Variants in PROM2 observed in about 807,000 individuals in gnomAD.
PROM2 encodes prominin 2, also known as prominin-2.
PROM2 carries 90 observed loss-of-function variants against 110.2 expected under a neutral mutation model. The observed-to-expected ratio is 0.82, with a 90% CI of 0.69 to 0.97. The LOEUF (loss-of-function observed/expected upper bound fraction) is 0.97, where lower values mean the gene tolerates loss of function less well. Ranked by LOEUF, PROM2 falls within the 50% of genes least tolerant of loss-of-function variation. The probability of loss-of-function intolerance (pLI) is 0.00; values close to 1 mark genes in which losing one functional copy is unlikely to be tolerated. For synonymous variants in PROM2, 470 were observed against 467.8 expected (o/e 1.00, Z -0.06); for missense variants, 1,009 against 1,074.8 (o/e 0.94, Z 0.86).
intron 8 of PROM2, 41 bp downstream of exon 8, chr2:95,278,045 C>T (rs757090431): frequency 2.6e-6 from 4 of 1,526,384 alleles, no homozygotes; most frequent in Non-Finnish European, 2.7e-6. Context: ...CCTCACCTGC[C>T]AAGTGAGGGC....
At chr2:95,289,057 T>A in intron 23 of PROM2, 51 bp downstream of exon 23, 1 of 802,936 alleles carries the variant, frequency 1.2e-6, no homozygotes. Flanking sequence ...ATTAAGGGAG[T>A]GGGGTGGGGA....
rs1292157993 is a variant in PROM2 at position 95,279,148 on chromosome 2, C to A, written c.1274+4C>A. ...TGCAGAGATACGAGACCTACAGGTG[C>A]TGGGCACCGCAGGGTGGGATGGGGT... On this transcript the variant is annotated splice_donor_region_variant and intron_variant, in intron 10 of 23. Transcript: ENST00000317620. 2.0e-5 allele frequency: 10 copies of A among 503,792 alleles called. No individual in the cohort carries two copies. Among genetic ancestry groups the A allele is most frequent in the Non-Finnish European group, 2.6e-5 (9 of 351,384 alleles). The allele number at this position is 503,792 out of a possible 1,614,324, so 31.2% of individuals were successfully genotyped here.
rs373268716 is a variant in PROM2, at chr2:95,276,308, C to A, written c.579C>A (p.Thr193=). ...CCAGCATCGAGGCCATGCCTGAGACCCTGCTCAGCCTCTGGGGCCTGGTCT... is the reference window on the plus strand; with the variant it reads ...CCAGCATCGAGGCCATGCCTGAGACACTGCTCAGCCTCTGGGGCCTGGTCT... The part of the protein sequence containing the change: ...MGPSIEAMPE[T]LLSLWGLVSD... The change falls in exon 4 of 24, where the codon ACC becomes ACA. Residue 193 remains threonine (T), a synonymous_variant. Transcript: ENST00000317620. The surrounding 1 kb of genome is among the most constrained non-coding windows in gnomAD (Gnocchi z 4.6). 6.2e-7 allele frequency: 1 copy of A among 1,613,780 alleles called. No individual in the cohort carries two copies. The highest frequency in any genetic ancestry group is 1.1e-5 in the South Asian group (1 of 91,080).
Position 95,276,127 on chromosome 2 carries a change from G to C in PROM2, c.492G>C (p.Leu164Phe), listed in dbSNP as rs779227090. ...LMVFLLLTTLLLLIGVVCAFV... is the reference protein window; with the variant it reads ...LMVFLLLTTLFLLIGVVCAFV... The stretch of plus-strand genomic sequence containing the variant: ...TCTTCCTGCTGCTGACCACCCTCTT[G>C]CTGCTGTAAGGCGCTGCCCAGGGCC... The change falls in exon 3 of 24, where the codon TTG (leucine) becomes TTC (phenylalanine). Residue 164 changes from leucine to phenylalanine, a missense_variant. Leu to Phe is a conservative substitution (Grantham distance 22). Coordinates refer to ENST00000317620, the MANE Select transcript of PROM2 (RefSeq NM_001165978.3). This position sits in a 1 kb window ranked among gnomAD's most constrained non-coding sequence, Gnocchi z 4.6. 16 of 1,612,008 alleles carry C rather than the reference G, an allele frequency of 9.9e-6. No individual in the cohort carries two copies. The highest frequency in any genetic ancestry group is 1.3e-5 in the African/African-American group (1 of 75,052).
In PROM2 at chr2:95,276,935, T is replaced by C; in HGVS notation, c.683-37T>C. 1 of 1,541,734 alleles carries C rather than the reference T, an allele frequency of 6.5e-7. No homozygotes were observed. The highest frequency in any genetic ancestry group is 2.0e-5 in the Admixed American group (1 of 50,970). The stretch of plus-strand genomic sequence containing the variant: ...GGAATGGGGAGGGCCCCTCCACTCT[T>C]GGGGTCCCACCCTGCAGACTGCCCT... On this transcript the variant is annotated intron_variant, in intron 5 of 23. Transcript: ENST00000317620. The surrounding 1 kb of genome is among the most constrained non-coding windows in gnomAD (Gnocchi z 4.6).
intron 16 of PROM2, among the ~76,000 whole-genome samples, chr2:95,286,006 G>A (rs1677337944): frequency 6.6e-6 from 1 of 152,220 alleles, no homozygotes; most frequent in Non-Finnish European, 1.5e-5. Flanking sequence ...CACTTCTCTG[G>A]CCTCACGCAG....
chr2:95,275,462 G>A lies in PROM2; in HGVS notation c.246G>A (p.Glu82=). 6.2e-7 allele frequency: 1 copy of A among 1,612,928 alleles called. No individual in the cohort carries two copies. Among genetic ancestry groups the A allele is most frequent in the East Asian group, 2.2e-5 (1 of 44,862 alleles). Residue 82 remains glutamate, a splice_region_variant and synonymous_variant, in exon 2 of 24, where the codon GAG becomes GAA. Transcript: ENST00000317620. The surrounding 1 kb of genome is among the most constrained non-coding windows in gnomAD (Gnocchi z 4.4). ...CCTCAGCTTGGCTCTTTCCCATAGA[G>A]TTGGTAAAGGCCCTACTGAATGAGC... ...SVVQLNPFPS[E]LVKALLNELA...
chr2:95,279,066 G>A lies in PROM2; in HGVS notation c.1196G>A (p.Arg399His), dbSNP rs376300412. The change falls in exon 10 of 24, where the codon CGC becomes CAC. Residue 399 changes from arginine (R) to histidine (H), a missense_variant. Arg to His is a conservative substitution (Grantham distance 29, BLOSUM62 0). Transcript: ENST00000317620. Reference sequence around the variant, plus strand: ...TTCCCGGGCTTGGAGGCAGCTTCCCGCTGGGCCCAGGCACTGCAGGAGGTG... The same window carrying A: ...TTCCCGGGCTTGGAGGCAGCTTCCCACTGGGCCCAGGCACTGCAGGAGGTG... The part of the protein sequence containing the change: ...EGFPGLEAAS[R>H]WAQALQEVEE... The A allele has an allele frequency of 2.4e-5, 39 of 1,612,524 alleles. No homozygotes were observed. Among genetic ancestry groups the A allele is most frequent in the Admixed American group, 1.0e-4 (6 of 59,906 alleles).
intron 7 of PROM2, 92 bp downstream of exon 7, chr2:95,277,658 A>G: frequency 7.8e-7 from 1 of 1,286,740 alleles, no homozygotes; most frequent in Non-Finnish European, 1.0e-6. Flanking sequence ...CCCTTGCCCC[A>G]ATGTTCCTCC....
chr2:95,281,381 C>G lies in PROM2; in HGVS notation c.1551+16C>G. 6.2e-7 allele frequency: 1 copy of G among 1,604,964 alleles called. No homozygotes were observed. Among genetic ancestry groups the G allele is most frequent in the Non-Finnish European group, 8.5e-7 (1 of 1,177,932 alleles). ...GCTCTTTGAGGTAGGCCTGTCTCTG[C>G]TCACAGGCCCTCCTGGGGAGAGAGG... On this transcript the variant is annotated intron_variant, in intron 12 of 23. Transcript: ENST00000317620.
chr2:95,289,011 GT>G lies in PROM2; in HGVS notation c.*10+9del, dbSNP rs1677548048. 2 of 1,510,016 alleles carry G rather than the reference GT, an allele frequency of 1.3e-6. No individual in the cohort carries two copies. Among genetic ancestry groups the G allele is most frequent in the African/African-American group, 1.4e-5 (1 of 71,978 alleles). The allele number at this position is 1,510,016 out of a possible 1,614,324, so 93.5% of individuals were successfully genotyped here. A position where few individuals can be genotyped will look rare whatever the true frequency, so the allele number is the denominator to read the frequency against. On this transcript the variant is annotated splice_donor_region_variant and intron_variant, in intron 23 of 23. Coordinates refer to ENST00000317620, the MANE Select transcript of PROM2 (RefSeq NM_001165978.3). ...TGAAGCTGTAGGGCCTTGTGGGTGA[GT>G]TTTCCCCAACTCGCTTAATTGCTCC...
At chr2:95,284,705 T>C in intron 14 of PROM2, among the ~76,000 whole-genome samples, 1 of 152,000 alleles carries the variant, frequency 6.6e-6, no homozygotes, top group Non-Finnish European at 1.5e-5. Flanking sequence ...CCACACTCTT[T>C]CAAACACGTG....
intron 6 of PROM2, 131 bp from the exon 7 acceptor site, chr2:95,277,233 C>A: frequency 8.5e-7 from 1 of 1,176,926 alleles, no homozygotes; most frequent in Non-Finnish European, 1.2e-6. Context: ...TGCCCTGGGG[C>A]AGTTTCCACT....
intron 10 of PROM2, among the ~76,000 whole-genome samples, 178 bp downstream of exon 10, chr2:95,279,322 G>A (rs192760838): frequency 6.6e-6 from 1 of 150,772 alleles, no homozygotes; most frequent in African/African-American, 2.4e-5. Flanking sequence ...TTTTGAGACG[G>A]TGTCTTGCTC....
At chr2:95,277,299 CCTCCTGCAAGG>C in intron 6 of PROM2, 54 bp from the exon 7 acceptor site, 1 of 1,506,900 alleles carries the variant, frequency 6.6e-7, no homozygotes, top group Non-Finnish European at 9.0e-7. Flanking sequence ...GGGAGTTCTG[CCTCCTGCAAGG>C]CGTCTGGGGA....
rs779110427 is a variant in PROM2, at chr2:95,288,193, C to T, written c.2245-18C>T. On this transcript the variant is annotated intron_variant, in intron 20 of 23. Transcript: ENST00000317620. ...GTCCAGGTGTCTCTGCATCACCTGC[C>T]TCATGTTGGCGCCACAGGTGACTCA... is the stretch of plus-strand genomic sequence containing the variant. 68 of 1,612,082 alleles carry T rather than the reference C, an allele frequency of 4.2e-5. No homozygotes were observed. The highest frequency in any genetic ancestry group is 5.5e-5 in the Non-Finnish European group (65 of 1,179,694).
chr2:95,275,442 G>A lies in PROM2; in HGVS notation c.245-19G>A, dbSNP rs755082782. 1 of 1,607,544 alleles carries A rather than the reference G, an allele frequency of 6.2e-7. No homozygotes were observed. Among genetic ancestry groups the A allele is most frequent in the Admixed American group, 1.7e-5 (1 of 59,402 alleles). On this transcript the variant is annotated intron_variant, in intron 1 of 23. Transcript: ENST00000317620. This position sits in a 1 kb window ranked among gnomAD's most constrained non-coding sequence, Gnocchi z 4.4. The stretch of plus-strand genomic sequence containing the variant: ...GGCAGTGGCTGTCCCCAAATCCTCA[G>A]CTTGGCTCTTTCCCATAGAGTTGGT...
intron 12 of PROM2, 136 bp downstream of exon 12, chr2:95,281,501 C>T: frequency 2.5e-6 from 3 of 1,186,104 alleles, no homozygotes; most frequent in Non-Finnish European, 3.5e-6. Flanking sequence ...ACAGACATGG[C>T]CAAGGAAAGA....
rs780328422 is a variant in PROM2 at position 95,281,284 on chromosome 2, C to T, written c.1470C>T (p.Leu490=). ...TCCTCTTTGCTGCACCCCTCATCCT[C>T]CTGGTGTTCGCCACCTTCCTGGTGG... is the stretch of plus-strand genomic sequence containing the variant. ...LSFLFAAPLI[L]LVFATFLVGG... The change falls in exon 12 of 24, where the codon CTC becomes CTT. Residue 490 remains leucine, a synonymous_variant. Coordinates refer to ENST00000317620, the MANE Select transcript of PROM2 (RefSeq NM_001165978.3). The T allele has an allele frequency of 9.9e-6, 16 of 1,613,224 alleles. 2 individuals are homozygous for T. The highest frequency in any genetic ancestry group is 3.3e-4 in the Middle Eastern group (2 of 6,082).
Sources: gnomAD v4.1 joint callset for allele counts (sites outside exome capture counted in the v4.1 genomes callset) on GRCh38, gnomAD v4.1.1 for gene constraint, Gnocchi (gnomAD v3.1) non-coding constraint, MANE v1.5 for transcripts, NCBI Gene and HGNC (gene_info 2026-07-23, HGNC 2026-07-21) for gene names.